The following SEMA5A variants were observed in gnomAD, a reference collection of about 807,000 sequenced individuals.
The protein encoded by SEMA5A is semaphorin-5A.
In SEMA5A, 55 loss-of-function variants were observed where a neutral mutation model predicts 135.5. The ratio of observed to expected loss-of-function variants is 0.41; its 90% CI spans 0.33 to 0.51. The LOEUF (loss-of-function observed/expected upper bound fraction) is 0.51. SEMA5A is among the 20% of genes least tolerant of loss of function. SEMA5A has a pLI of 0.37. For missense variants in SEMA5A, 1,290 were observed against 1,419.9 expected (o/e 0.91, Z 1.47); for synonymous variants, 580 against 546.5 (o/e 1.06, Z -0.85).
chr5:9,360,748 T>TA (rs1282863673), intron 3 of SEMA5A, among the ~76,000 whole-genome samples: 1 of 152,232 alleles, frequency 6.6e-6, no homozygotes, highest in African/African-American at 2.4e-5. Flanking sequence ...TATTAGTACT[T>TA]ACATTATTCA....
At chr5:9,211,129 C>T (rs1746325194) in intron 8 of SEMA5A, among the ~76,000 whole-genome samples, 1 of 152,220 alleles carries the variant, frequency 6.6e-6, no homozygotes, top group Non-Finnish European at 1.5e-5. Context: ...CTTTGCTCAA[C>T]ACACTTTCCA....
chr5:9,218,888 A>G (rs1288778602), intron 8 of SEMA5A, among the ~76,000 whole-genome samples: 1 of 152,262 alleles, frequency 6.6e-6, no homozygotes, highest in Non-Finnish European at 1.5e-5. Flanking sequence ...ACAAACATGT[A>G]TTAACTCCCT....
At chr5:9,316,800 G>T (rs370873060) in intron 5 of SEMA5A, among the ~76,000 whole-genome samples, 1 of 151,868 alleles carries the variant, frequency 6.6e-6, no homozygotes, top group Admixed American at 6.6e-5. Context: ...ATTTATTTTG[G>T]TGTTGAGAAC....
At position 9,197,319 on chromosome 5, in the gene SEMA5A, G is replaced by A; in HGVS notation, c.933-16C>T. Reference sequence around the variant, plus strand: ...AATGCTGTTCCTGGGAGCGGAGGGAGAGAGAGAAGGCAGTCAGAGAGCTCG... The same window carrying A: ...AATGCTGTTCCTGGGAGCGGAGGGAAAGAGAGAAGGCAGTCAGAGAGCTCG... On this transcript the variant is annotated splice_polypyrimidine_tract_variant and intron_variant, in intron 9 of 22. Coordinates refer to ENST00000382496, the MANE Select transcript of SEMA5A (RefSeq NM_003966.3). 6.3e-7 allele frequency: 1 copy of A among 1,588,818 alleles called. No individual in the cohort carries two copies. The highest frequency in any genetic ancestry group is 8.5e-7 in the Non-Finnish European group (1 of 1,170,552).
chr5:9,318,236 G>C (rs1050558260), intron 5 of SEMA5A, 136 bp downstream of exon 5: 7 of 694,672 alleles, frequency 1.0e-5, no homozygotes, highest in Admixed American at 2.9e-5. Flanking sequence ...CCTTAGTCCC[G>C]TGGCCTGACC....
intron 5 of SEMA5A, among the ~76,000 whole-genome samples, chr5:9,242,386 G>A (rs1233567140): frequency 6.6e-6 from 1 of 152,182 alleles, no homozygotes; most frequent in African/African-American, 2.4e-5. Context: ...GGATTTGTTC[G>A]ATGTTCCTCT....
intron 2 of SEMA5A, among the ~76,000 whole-genome samples, chr5:9,429,254 C>A (rs1344249721): frequency 2.0e-5 from 3 of 152,162 alleles, no homozygotes; most frequent in Non-Finnish European, 4.4e-5. Flanking sequence ...CTTCTCTTAG[C>A]CAAGCCCATA....
chr5:9,407,359 T>A (rs187736415), intron 2 of SEMA5A, among the ~76,000 whole-genome samples: 1 of 152,340 alleles, frequency 6.6e-6, no homozygotes, highest in African/African-American at 2.4e-5. Context: ...CAAAACTGTA[T>A]CCTGAATTAG....
intron 11 of SEMA5A, among the ~76,000 whole-genome samples, chr5:9,168,956 T>A (rs778576823): frequency 6.6e-6 from 1 of 152,130 alleles, no homozygotes; most frequent in Non-Finnish European, 1.5e-5. Flanking sequence ...CACATTTGAG[T>A]CATTCCTTAA....
At position 9,152,186 on chromosome 5, in the gene SEMA5A, CT is replaced by C. The variant is rs1388611790; in HGVS notation, c.1481+2301del. Among the ~76,000 whole-genome samples the C allele has an allele frequency of 3.3e-5, 5 of 152,356 alleles. No individual in the cohort carries two copies. In the East Asian group the frequency reaches 9.6e-4, roughly 29 times the overall value. ...CTCCCATTCTGGCACCAGAATCACC[CT>C]GCAGACAGCACAGGCCTGCGGCTTC... On this transcript the variant is annotated intron_variant, in intron 12 of 22. Transcript: ENST00000382496.
rs1264124029 is a variant in SEMA5A at position 9,204,691 on chromosome 5, A to C, written c.647-2451T>G. On this transcript the variant is annotated intron_variant, in intron 8 of 22. Coordinates refer to ENST00000382496, the MANE Select transcript of SEMA5A (RefSeq NM_003966.3). This position sits in a 1 kb window ranked among gnomAD's most constrained non-coding sequence, Gnocchi z 6.4. ...ACATAACTAGCAGTGGGGGATGGGG[A>C]TGGAAAGTCCTGAATCCATTAGACC... is the stretch of plus-strand genomic sequence containing the variant. Among the ~76,000 whole-genome samples, 1 of 152,160 alleles carries C rather than the reference A, an allele frequency of 6.6e-6. No homozygotes were observed. Among genetic ancestry groups the C allele is most frequent in the Non-Finnish European group, 1.5e-5 (1 of 68,028 alleles).
chr5:9,440,667 TGAA>T (rs1758199384), intron 1 of SEMA5A, among the ~76,000 whole-genome samples: 1 of 152,230 alleles, frequency 6.6e-6, no homozygotes, highest in African/African-American at 2.4e-5. Context: ...TGGAACTACA[TGAA>T]GAAGATTGAA....
chr5:9,117,929 T>C (rs1740610341), intron 15 of SEMA5A, among the ~76,000 whole-genome samples: 1 of 152,176 alleles, frequency 6.6e-6, no homozygotes, highest in African/African-American at 2.4e-5. Context: ...TCATCTTCAT[T>C]TCCTGTTAGT....
At chr5:9,109,214 G>A (rs1338189468) in intron 15 of SEMA5A, among the ~76,000 whole-genome samples, 1 of 150,774 alleles carries the variant, frequency 6.6e-6, no homozygotes, top group Non-Finnish European at 1.5e-5. Flanking sequence ...CTAATTTTTT[G>A]TATTTTTAGT....
chr5:9,368,166 C>T (rs146906635), intron 3 of SEMA5A, among the ~76,000 whole-genome samples: 112 of 152,272 alleles, frequency 7.4e-4, no homozygotes, highest in African/African-American at 2.6e-3. Flanking sequence ...GAAACATGTA[C>T]ACACACATAC....
chr5:9,460,371 A>G (rs11741966), intron 1 of SEMA5A, among the ~76,000 whole-genome samples: 46,890 of 152,030 alleles, frequency 0.31, 7,628 homozygotes, highest in East Asian at 0.54. Context: ...CAAAACAGAA[A>G]ATATTCAAGA....
intron 16 of SEMA5A, among the ~76,000 whole-genome samples, chr5:9,074,946 T>C (rs1378777775): frequency 1.3e-5 from 2 of 152,132 alleles, no homozygotes; most frequent in Non-Finnish European, 2.9e-5. Flanking sequence ...GGAAAAAGAC[T>C]CAATTTTCAG....
intron 2 of SEMA5A, among the ~76,000 whole-genome samples, chr5:9,389,343 T>G (rs1159871870): frequency 6.6e-6 from 1 of 152,152 alleles, no homozygotes; most frequent in African/African-American, 2.4e-5. Context: ...CTGGTGACTC[T>G]CAAATCTAGA....
intron 3 of SEMA5A, among the ~76,000 whole-genome samples, chr5:9,339,001 C>T (rs1289969073): frequency 1.3e-5 from 2 of 152,038 alleles, no homozygotes; most frequent in Non-Finnish European, 2.9e-5. Context: ...TTAAAGGAAA[C>T]CAGGGGTGAG....
Sources: gnomAD v4.1 joint callset for allele counts (sites outside exome capture counted in the v4.1 genomes callset) on GRCh38, gnomAD v4.1.1 for gene constraint, Gnocchi (gnomAD v3.1) non-coding constraint, MANE v1.5 for transcripts, NCBI Gene and HGNC (gene_info 2026-07-23, HGNC 2026-07-21) for gene names.